The following HS6ST3 variants were observed in gnomAD, a reference collection of about 807,000 sequenced individuals.
HS6ST3 encodes the protein heparan-sulfate 6-O-sulfotransferase 3.
HS6ST3 carries 12 observed loss-of-function variants against 36.7 expected under a neutral mutation model. The observed-to-expected ratio is 0.33, with a 90% CI of 0.21 to 0.53. HS6ST3 has a LOEUF of 0.53. Ranked by LOEUF, HS6ST3 falls within the 20% of genes least tolerant of loss-of-function variation. The pLI is 0.95. For missense variants in HS6ST3, 584 were observed against 640.9 expected (o/e 0.91, Z 0.96); for synonymous variants, 240 against 257.5 (o/e 0.93, Z 0.65).
At chr13:96,567,460 G>A (rs955148594) in intron 1 of HS6ST3, among the ~76,000 whole-genome samples, 4 of 152,018 alleles carry the variant, frequency 2.6e-5, no homozygotes, top group Non-Finnish European at 5.9e-5. Context: ...AAAAATCTGC[G>A]GGGAAGTAAT....
At chr13:96,225,025 A>G (rs979448584) in intron 1 of HS6ST3, among the ~76,000 whole-genome samples, 16 of 152,206 alleles carry the variant, frequency 1.1e-4, no homozygotes, top group African/African-American at 3.9e-4. Context: ...GCACCACAAT[A>G]TATTAGCTTG....
At chr13:96,414,343 G>A (rs142627754) in intron 1 of HS6ST3, among the ~76,000 whole-genome samples, 10 of 152,054 alleles carry the variant, frequency 6.6e-5, no homozygotes, top group African/African-American at 2.4e-4. Flanking sequence ...GAGTTTGAAG[G>A]GTTCTTAATA....
At chr13:96,637,747 A>AG (rs1433620188) in intron 1 of HS6ST3, among the ~76,000 whole-genome samples, 2 of 152,154 alleles carry the variant, frequency 1.3e-5, no homozygotes, top group Non-Finnish European at 2.9e-5. Context: ...AATAAAAAAA[A>AG]CAATAATACA....
chr13:96,383,460 G>A (rs1411235492), intron 1 of HS6ST3, among the ~76,000 whole-genome samples: 1 of 151,988 alleles, frequency 6.6e-6, no homozygotes, highest in African/African-American at 2.4e-5. Context: ...GAAAAAAAAA[G>A]TGGGAGAGAG....
In HS6ST3 at chr13:96,838,673, C is replaced by A. The variant is rs1878997025; in HGVS notation, c.*5475C>A. ...GCCTGCTCTCTTCTCACCACATTCA[C>A]CTGGACAAATCTGAACTAATTCCTT... On this transcript the variant is annotated 3_prime_UTR_variant, in exon 2 of 2. Coordinates refer to ENST00000376705, the MANE Select transcript of HS6ST3 (RefSeq NM_153456.4). 1 of 152,164 alleles carries A rather than the reference C, an allele frequency of 6.6e-6. No individual in the cohort carries two copies. The highest frequency in any genetic ancestry group is 2.1e-4 in the South Asian group (1 of 4,832). 9.4% of individuals were successfully genotyped at this position (152,164 alleles called of 1,614,324 possible). A position where few individuals can be genotyped will look rare whatever the true frequency, so the allele number is the denominator to read the frequency against.
At chr13:96,799,196 A>G (rs986607947) in intron 1 of HS6ST3, among the ~76,000 whole-genome samples, 1 of 152,140 alleles carries the variant, frequency 6.6e-6, no homozygotes, top group Non-Finnish European at 1.5e-5. Context: ...ACTGACTTCC[A>G]CAATGGTTGA....
chr13:96,301,490 C>G (rs2054881539), intron 1 of HS6ST3, among the ~76,000 whole-genome samples: 1 of 152,164 alleles, frequency 6.6e-6, no homozygotes, highest in South Asian at 2.1e-4. Context: ...GGGTACTGGT[C>G]CTGAGTCTGT....
intron 1 of HS6ST3, among the ~76,000 whole-genome samples, chr13:96,355,397 AC>A (rs1566335717): frequency 2.1e-5 from 3 of 142,816 alleles, no homozygotes; most frequent in Middle Eastern, 3.4e-3. Flanking sequence ...ACACACACAC[AC>A]ACACAAACAC....
chr13:96,111,599 T>C (rs2053868561), intron 1 of HS6ST3, among the ~76,000 whole-genome samples: 1 of 152,216 alleles, frequency 6.6e-6, no homozygotes, highest in Non-Finnish European at 1.5e-5. Flanking sequence ...TAAAGGGACA[T>C]GGGATGACAT....
intron 1 of HS6ST3, among the ~76,000 whole-genome samples, chr13:96,403,896 A>C (rs1436327638): frequency 6.6e-6 from 1 of 152,186 alleles, no homozygotes; most frequent in Non-Finnish European, 1.5e-5. Flanking sequence ...AAGGCATATT[A>C]ATCCCTTTAG....
intron 1 of HS6ST3, among the ~76,000 whole-genome samples, chr13:96,421,561 T>C (rs1249379022): frequency 6.6e-6 from 1 of 152,234 alleles, no homozygotes; most frequent in Non-Finnish European, 1.5e-5. Flanking sequence ...TGTAGTCACC[T>C]GAATGTGCCA....
intron 1 of HS6ST3, among the ~76,000 whole-genome samples, chr13:96,709,309 G>A (rs552393822): frequency 1.3e-5 from 2 of 152,246 alleles, no homozygotes; most frequent in East Asian, 3.9e-4. Context: ...CCAGTCTCAG[G>A]CATTTCTTTA....
chr13:96,567,849 G>A (rs946088891), intron 1 of HS6ST3, among the ~76,000 whole-genome samples: 3 of 152,140 alleles, frequency 2.0e-5, no homozygotes, highest in Non-Finnish European at 4.4e-5. Flanking sequence ...AAGGCTTATC[G>A]TGGCCTACAA....
chr13:96,461,517 G>A (rs776566887), intron 1 of HS6ST3, among the ~76,000 whole-genome samples: 32 of 152,294 alleles, frequency 2.1e-4, no homozygotes, highest in African/African-American at 7.0e-4. Flanking sequence ...ATTTCTGGTA[G>A]TATGAAAGGC....
chr13:96,695,372 GA>G (rs1875099354), intron 1 of HS6ST3, among the ~76,000 whole-genome samples: 1 of 152,184 alleles, frequency 6.6e-6, no homozygotes, highest in African/African-American at 2.4e-5. Context: ...GTGGCCATGA[GA>G]AATAGGCATA....
intron 1 of HS6ST3, among the ~76,000 whole-genome samples, chr13:96,642,941 A>G (rs1380177000): frequency 6.6e-6 from 1 of 151,798 alleles, no homozygotes; most frequent in Admixed American, 6.6e-5. Context: ...CCCTGTGTTT[A>G]GGCTCTCCTT....
chr13:96,112,170 T>A (rs2053871486), intron 1 of HS6ST3, among the ~76,000 whole-genome samples: 1 of 152,146 alleles, frequency 6.6e-6, no homozygotes, highest in African/African-American at 2.4e-5. Flanking sequence ...GATATAGTAG[T>A]CCTTACAGAA....
At chr13:96,175,987 C>T (rs1166811854) in intron 1 of HS6ST3, among the ~76,000 whole-genome samples, 1 of 151,840 alleles carries the variant, frequency 6.6e-6, no homozygotes, top group Non-Finnish European at 1.5e-5. Flanking sequence ...ACCACCATGC[C>T]TGGCTAATTT....
chr13:96,471,559 C>T (rs1482407899), intron 1 of HS6ST3, among the ~76,000 whole-genome samples: 5 of 152,150 alleles, frequency 3.3e-5, no homozygotes, highest in Non-Finnish European at 7.3e-5. Context: ...AGCTGTCTTC[C>T]AGGATTCTCT....
Sources: allele counts gnomAD v4.1 joint callset (sites outside exome capture counted in the v4.1 genomes callset), GRCh38; gene constraint gnomAD v4.1.1; transcripts MANE v1.5; gene names NCBI Gene and HGNC (gene_info 2026-07-23, HGNC 2026-07-21).